Variants in RNFT1 observed in about 807,000 individuals in gnomAD.
RNFT1 encodes the protein E3 ubiquitin-protein ligase RNFT1.
Under a neutral mutation model 53.2 loss-of-function variants are expected in RNFT1, and 35 were observed. The observed-to-expected ratio is 0.66, with a 90% CI of 0.50 to 0.87. RNFT1 has a LOEUF of 0.87. Ranked by LOEUF, RNFT1 falls within the 40% of genes least tolerant of loss-of-function variation. The pLI is 0.00. For synonymous variants in RNFT1, 141 were observed against 172.8 expected, an observed-to-expected ratio of 0.82 and a Z score of 1.44; for missense variants, 421 against 515.0, an observed-to-expected ratio of 0.82 and a Z score of 1.77.
In RNFT1 at chr17:59,958,428, G is replaced by T. The variant is rs756296066; in HGVS notation, c.709C>A (p.Pro237Thr). 6.4e-7 allele frequency: 1 copy of T among 1,567,748 alleles called. No individual in the cohort carries two copies. The highest frequency in any genetic ancestry group is 8.6e-7 in the Non-Finnish European group (1 of 1,166,644). Residue 237 changes from proline to threonine, a missense_variant, in exon 5 of 9, where the codon CCT becomes ACT. By Grantham distance (38) the Pro-to-Thr change is conservative. Transcript: ENST00000305783. ...SLYYSLIFLN[P>T]TLDHLSFWEV... is the part of the protein sequence containing the mutation. ...CAGAAGCTCAAATGGTCCAAAGTAG[G>T]ATTTAAAAAAATTAAGCTACCAAAA...
intron 1 of RNFT1, among the ~76,000 whole-genome samples, chr17:59,963,584 G>T (rs1296981464): frequency 6.6e-6 from 1 of 152,090 alleles, no homozygotes; most frequent in Non-Finnish European, 1.5e-5. Flanking sequence ...GTACCCAGCA[G>T]ATGTTAATGA....
Position 59,964,666 on chromosome 17 carries a change from A to G in RNFT1, c.-3T>C. The G allele has an allele frequency of 6.2e-7, 1 of 1,605,138 alleles. No individual in the cohort carries two copies. Among genetic ancestry groups the G allele is most frequent in the Non-Finnish European group, 8.5e-7 (1 of 1,176,048 alleles). ...AGCGACAGCAAGAACAGCGGCATAC[A>G]CCGCCTCCAGCCCTTCAGTCGGGGC... On this transcript the variant is annotated 5_prime_UTR_variant, in exon 1 of 9. Transcript: ENST00000305783.
intron 4 of RNFT1, among the ~76,000 whole-genome samples, chr17:59,959,172 AATT>A (rs1041903211): frequency 2.6e-5 from 4 of 152,124 alleles, no homozygotes; most frequent in African/African-American, 9.7e-5. Flanking sequence ...TTCAAAACAA[AATT>A]ATTGATTTTT....
chr17:59,963,052 T>C lies in RNFT1; in HGVS notation c.289A>G (p.Arg97Gly). 1.9e-6 allele frequency: 3 copies of C among 1,614,228 alleles called. No individual in the cohort carries two copies. Among genetic ancestry groups the C allele is most frequent in the Non-Finnish European group, 1.7e-6 (2 of 1,180,040 alleles). The change falls in exon 2 of 9, where the codon AGA becomes GGA. Residue 97 changes from arginine to glycine, a missense_variant. Transcript: ENST00000305783. ...PKECAENASS[R>G]NIRSGVHSCA... ...CTATGGACACCTGACCTTATATTTC[T>C]GGAGCTTGCATTTTCTGCACATTCT...
intron 3 of RNFT1, among the ~76,000 whole-genome samples, chr17:59,961,088 G>A (rs1343850316): frequency 2.0e-5 from 3 of 149,420 alleles, no homozygotes; most frequent in African/African-American, 7.5e-5. Flanking sequence ...CCAGACTGGA[G>A]TGCAGTGGCA....
At chr17:59,963,323 A>G in intron 1 of RNFT1, 39 bp from the exon 2 acceptor site, 3 of 1,545,942 alleles carry the variant, frequency 1.9e-6, no homozygotes, top group Non-Finnish European at 2.6e-6. Flanking sequence ...GTAAACAGGC[A>G]GTTAAATACC....
intron 3 of RNFT1, among the ~76,000 whole-genome samples, chr17:59,960,943 T>A (rs1243845301): frequency 6.6e-6 from 1 of 152,182 alleles, no homozygotes; most frequent in African/African-American, 2.4e-5. Context: ...TAATCTCACT[T>A]TTTTAATATA....
rs372333129 is a variant in RNFT1, at chr17:59,960,127, G to A, written c.633C>T (p.Phe211=). The A allele has an allele frequency of 5.5e-5, 88 of 1,609,920 alleles. No homozygotes were observed. The highest frequency in any genetic ancestry group is 4.4e-4 in the Admixed American group (26 of 59,354). ...SKIQCAWLLV[F]LAGSSVLLYY... The stretch of plus-strand genomic sequence containing the variant: ...ATAAAAGAACAGAAGATCCTGCTAA[G>A]AATACCAGTAACCAAGCACACTGAA... The change falls in exon 4 of 9, where the codon TTC becomes TTT. Residue 211 remains phenylalanine (F), a synonymous_variant. Coordinates refer to ENST00000305783, the MANE Select transcript of RNFT1 (RefSeq NM_016125.4).
chr17:59,962,212 T>G (rs1048288978), intron 3 of RNFT1: 4 of 191,426 alleles, frequency 2.1e-5, no homozygotes, highest in African/African-American at 4.7e-5. Flanking sequence ...ATGATGGTCT[T>G]ACTTACTATG....
Position 59,958,453 on chromosome 17 carries a change from A to C in RNFT1, c.693-9T>G. On this transcript the variant is annotated splice_polypyrimidine_tract_variant and intron_variant, in intron 4 of 8. Transcript: ENST00000305783. The stretch of plus-strand genomic sequence containing the variant: ...GATTTAAAAAAATTAAGCTACCAAA[A>C]GAAAAACATCAAAATTTATCAGAGC... The C allele has an allele frequency of 1.3e-6, 2 of 1,555,352 alleles. No individual in the cohort carries two copies. The highest frequency in any genetic ancestry group is 1.7e-6 in the Non-Finnish European group (2 of 1,156,184).
chr17:59,957,414 C>A (rs2045260993), intron 5 of RNFT1, 32 bp from the exon 6 acceptor site: 1 of 1,563,716 alleles, frequency 6.4e-7, no homozygotes, highest in East Asian at 2.2e-5. Flanking sequence ...AATAGAGCTA[C>A]CCAAACTACT....
intron 7 of RNFT1, among the ~76,000 whole-genome samples, chr17:59,954,413 A>G (rs912356763): frequency 6.6e-6 from 1 of 152,234 alleles, no homozygotes; most frequent in African/African-American, 2.4e-5. Context: ...CAAATTCAAC[A>G]TAACTGGCTT....
At position 59,964,691 on chromosome 17, in the gene RNFT1, C is replaced by T. The variant is rs372897436; in HGVS notation, c.-28G>A. ...ACCGCCTCCAGCCCTTCAGTCGGGGCCATCAACCGCAAACCCCGCAAGCTC... is the reference window on the plus strand; with the variant it reads ...ACCGCCTCCAGCCCTTCAGTCGGGGTCATCAACCGCAAACCCCGCAAGCTC... On this transcript the variant is annotated 5_prime_UTR_variant, in exon 1 of 9. Transcript: ENST00000305783. The T allele has an allele frequency of 3.8e-6, 6 of 1,584,472 alleles. No individual in the cohort carries two copies. The highest frequency in any genetic ancestry group is 1.4e-5 in the African/African-American group (1 of 73,668).
At chr17:59,958,730 A>C (rs769443978) in intron 4 of RNFT1, 1 of 480,890 alleles carries the variant, frequency 2.1e-6, no homozygotes, top group South Asian at 1.6e-5. Flanking sequence ...CATCAATACC[A>C]GACATCTGCT....
chr17:59,963,926 A>G (rs1175632787), intron 1 of RNFT1, among the ~76,000 whole-genome samples: 5 of 152,198 alleles, frequency 3.3e-5, no homozygotes, highest in Non-Finnish European at 7.3e-5. Flanking sequence ...AATACATTTA[A>G]AGCATAGATA....
chr17:59,960,103 T>C lies in RNFT1; in HGVS notation c.657A>G (p.Leu219=), dbSNP rs2145118285. 6.2e-7 allele frequency: 1 copy of C among 1,609,456 alleles called. No individual in the cohort carries two copies. The highest frequency in any genetic ancestry group is 8.5e-7 in the Non-Finnish European group (1 of 1,178,446). ...LVFLAGSSVL[L]YYTFHSQSLY... ...GTGACTGAGAATGAAAGGTGTAATA[T>C]AAAAGAACAGAAGATCCTGCTAAGA... The change falls in exon 4 of 9, where the codon TTA becomes TTG. Residue 219 remains leucine, a synonymous_variant. Coordinates refer to ENST00000305783, the MANE Select transcript of RNFT1 (RefSeq NM_016125.4).
rs1298054340 is a variant in RNFT1 at position 59,957,130 on chromosome 17, T to C, written c.1005+94A>G. ...TTACTTCAAACTAGTGATATGAAGA[T>C]AAACTATAAAACTGTTAAAAGAGGA... On this transcript the variant is annotated intron_variant, in intron 6 of 8. Coordinates refer to ENST00000305783, the MANE Select transcript of RNFT1 (RefSeq NM_016125.4). 2.4e-6 allele frequency: 3 copies of C among 1,246,656 alleles called. No homozygotes were observed. In the East Asian group the frequency reaches 7.5e-5, roughly 31 times the overall value. 77.2% of individuals were successfully genotyped at this position (1,246,656 alleles called of 1,614,324 possible). A position where few individuals can be genotyped will look rare whatever the true frequency, so the allele number is the denominator to read the frequency against.
At chr17:59,958,115 G>C (rs1317993180) in intron 5 of RNFT1, among the ~76,000 whole-genome samples, 176 bp downstream of exon 5, 6 of 152,084 alleles carry the variant, frequency 3.9e-5, no homozygotes, top group Non-Finnish European at 5.9e-5. Context: ...ATCCAAATAG[G>C]TTAATAATCA....
At chr17:59,953,856 C>T (rs971452985) in intron 8 of RNFT1, 189 bp downstream of exon 8, 14 of 451,408 alleles carry the variant, frequency 3.1e-5, no homozygotes, top group Non-Finnish European at 5.5e-5. Flanking sequence ...CCTTCATACG[C>T]TCCTCTGCAT....
Sources: gnomAD v4.1 joint callset for allele counts (sites outside exome capture counted in the v4.1 genomes callset) on GRCh38, gnomAD v4.1.1 for gene constraint, MANE v1.5 for transcripts, NCBI Gene and HGNC (gene_info 2026-07-23, HGNC 2026-07-21) for gene names.